DLG2: variants seen among roughly 807,000 people sequenced by gnomAD.
DLG2 encodes discs large MAGUK scaffold protein 2.
DLG2 carries 45 observed loss-of-function variants against 132.5 expected under a neutral mutation model. The ratio of observed to expected loss-of-function variants is 0.34; its 90% CI spans 0.27 to 0.44. The LOEUF is 0.44. DLG2 is among the 20% of genes least tolerant of loss of function. The pLI is 1.00. For synonymous variants in DLG2, 424 were observed against 419.6 expected (o/e 1.01, Z -0.13); for missense variants, 1,045 against 1,196.9 (o/e 0.87, Z 1.87).
intron 6 of DLG2, among the ~76,000 whole-genome samples, chr11:84,608,724 A>G (rs1047937242): frequency 2.0e-5 from 3 of 152,192 alleles, no homozygotes; most frequent in Non-Finnish European, 2.9e-5. Flanking sequence ...TCAGGTTGCC[A>G]CTGAGATAAC....
chr11:84,715,487 A>G (rs571536803), intron 6 of DLG2, among the ~76,000 whole-genome samples: 64 of 152,166 alleles, frequency 4.2e-4, no homozygotes, highest in African/African-American at 1.5e-3. Context: ...AGGTTTATTC[A>G]TTCCACATAA....
chr11:84,289,728 C>T (rs761453882), intron 7 of DLG2, among the ~76,000 whole-genome samples: 1 of 152,032 alleles, frequency 6.6e-6, no homozygotes, highest in African/African-American at 2.4e-5. Context: ...TCACTCTGTT[C>T]GTAAACAAGG....
At chr11:84,019,515 T>C (rs12294547) in intron 11 of DLG2, among the ~76,000 whole-genome samples, 12,399 of 151,630 alleles carry the variant, frequency 0.082, 587 homozygotes, top group South Asian at 0.12. Flanking sequence ...AGAGAGGGAG[T>C]GTTGTGGGTT....
intron 4 of DLG2, among the ~76,000 whole-genome samples, chr11:85,245,679 C>A (rs1055997354): frequency 2.6e-5 from 4 of 151,858 alleles, no homozygotes; most frequent in African/African-American, 9.7e-5. Context: ...ATGAATTTAC[C>A]CATTTCACTC....
At position 84,034,283 on chromosome 11, in the gene DLG2, A is replaced by G. The variant is rs563343255; in HGVS notation, c.919+25032T>C. Among the ~76,000 whole-genome samples the G allele has an allele frequency of 2.6e-5, 4 of 152,206 alleles. No homozygotes were observed. The East Asian group carries it at 5.8e-4, about 22-fold the overall frequency. On this transcript the variant is annotated intron_variant, in intron 11 of 27. Coordinates refer to ENST00000376104, the MANE Select transcript of DLG2 (RefSeq NM_001142699.3). ...ATGATCATTAGCATTTTTTAGTTAT[A>G]AAGTATTTTTTAATTAAGGTTTTTT...
chr11:85,200,744 G>A (rs2081397947), intron 4 of DLG2, among the ~76,000 whole-genome samples: 1 of 152,102 alleles, frequency 6.6e-6, no homozygotes, highest in Non-Finnish European at 1.5e-5. Flanking sequence ...TAGAGCCAAT[G>A]AGAAGGGTTC....
At chr11:83,883,519 T>C (rs2066897435) in intron 15 of DLG2, among the ~76,000 whole-genome samples, 1 of 152,124 alleles carries the variant, frequency 6.6e-6, no homozygotes, top group Non-Finnish European at 1.5e-5. Context: ...ACTCTGAGAG[T>C]ACACTTCAAA....
chr11:85,352,043 C>A (rs189361999), intron 3 of DLG2, among the ~76,000 whole-genome samples: 60 of 152,150 alleles, frequency 3.9e-4, no homozygotes, highest in African/African-American at 1.4e-3. Flanking sequence ...TGGTCCTGGA[C>A]TTTTTTTGGT....
chr11:85,304,704 C>G (rs77040296), intron 3 of DLG2, among the ~76,000 whole-genome samples: 1 of 152,042 alleles, frequency 6.6e-6, no homozygotes, highest in Non-Finnish European at 1.5e-5. Flanking sequence ...TTCCGATAAA[C>G]GATACTCAAC....
intron 14 of DLG2, among the ~76,000 whole-genome samples, chr11:83,933,372 T>C (rs906018030): frequency 3.3e-5 from 5 of 152,198 alleles, no homozygotes; most frequent in African/African-American, 7.2e-5. Flanking sequence ...TTTGAAGATA[T>C]TGGTACAATC....
At chr11:84,337,051 C>G (rs2098488442) in intron 7 of DLG2, among the ~76,000 whole-genome samples, 1 of 152,130 alleles carries the variant, frequency 6.6e-6, no homozygotes, top group South Asian at 2.1e-4. Context: ...CATTCTTTAT[C>G]AGGATAACTT....
chr11:84,311,455 G>A (rs974607970), intron 7 of DLG2, among the ~76,000 whole-genome samples: 1 of 152,126 alleles, frequency 6.6e-6, no homozygotes, highest in South Asian at 2.1e-4. Flanking sequence ...GGCTTAGAGA[G>A]GTTAAGCAAA....
At position 83,753,824 on chromosome 11, in the gene DLG2, CATAT is replaced by C. The variant is rs562723645; in HGVS notation, c.1825+32862_1825+32865del. ...TATCATATATATCATATATATATTT[CATAT>C]ATATATGATATATATCATATATATC... On this transcript the variant is annotated intron_variant, in intron 18 of 27. Coordinates refer to ENST00000376104, the MANE Select transcript of DLG2 (RefSeq NM_001142699.3). 3.8e-4 allele frequency among the ~76,000 whole-genome samples: 14 copies of C among 36,722 alleles called. 1 individual carries two copies. Among genetic ancestry groups the C allele is most frequent in the African/African-American group, 6.0e-4 (4 of 6,708 alleles). The allele number at this position is 36,722 out of a possible 152,430, so 24.1% of individuals were successfully genotyped here.
chr11:84,851,358 T>C (rs1294380553), intron 6 of DLG2, among the ~76,000 whole-genome samples: 1 of 152,134 alleles, frequency 6.6e-6, no homozygotes, highest in Non-Finnish European at 1.5e-5. Context: ...TTCCACTATA[T>C]GAGTATATGA....
At chr11:83,777,751 C>A (rs542523343) in intron 18 of DLG2, among the ~76,000 whole-genome samples, 1 of 151,984 alleles carries the variant, frequency 6.6e-6, no homozygotes, top group Non-Finnish European at 1.5e-5. Flanking sequence ...CCCCTTCTTC[C>A]GAGTGGGTGA....
At chr11:83,866,821 T>C (rs928967291) in intron 16 of DLG2, among the ~76,000 whole-genome samples, 6 of 152,156 alleles carry the variant, frequency 3.9e-5, no homozygotes, top group African/African-American at 1.4e-4. Context: ...TCAATACTAC[T>C]GGCATTGAGC....
At chr11:85,436,265 T>C (rs571809617) in intron 3 of DLG2, among the ~76,000 whole-genome samples, 2 of 152,118 alleles carry the variant, frequency 1.3e-5, no homozygotes, top group East Asian at 3.9e-4. Context: ...GATTTTATTA[T>C]GAAATCACCA....
intron 6 of DLG2, among the ~76,000 whole-genome samples, chr11:84,551,168 A>AT (rs1452780571): frequency 1.3e-5 from 2 of 152,218 alleles, no homozygotes; most frequent in Non-Finnish European, 2.9e-5. Flanking sequence ...TTATTTCACA[A>AT]TCAGACACTT....
chr11:85,106,912 T>C (rs1210754905), intron 6 of DLG2, among the ~76,000 whole-genome samples: 1 of 152,086 alleles, frequency 6.6e-6, no homozygotes, highest in East Asian at 1.9e-4. Flanking sequence ...AAATGTATAG[T>C]GCTTTCTATA....
Sources: allele counts gnomAD v4.1 joint callset (sites outside exome capture counted in the v4.1 genomes callset), GRCh38; gene constraint gnomAD v4.1.1; transcripts MANE v1.5; gene names NCBI Gene and HGNC (gene_info 2026-07-23, HGNC 2026-07-21).